SOX5: variants seen among roughly 807,000 people sequenced by gnomAD.
The protein encoded by SOX5 is SRY-box transcription factor 5, also known as transcription factor SOX-5.
SOX5 carries 9 observed loss-of-function variants against 92.0 expected under a neutral mutation model. The observed-to-expected ratio is 0.10, with a 90% CI of 0.06 to 0.17. The LOEUF (loss-of-function observed/expected upper bound fraction) is 0.17, where lower values mean the gene tolerates loss of function less well. SOX5 is among the 10% of genes least tolerant of loss of function. SOX5 has a pLI of 1.00. For missense variants in SOX5, 642 were observed against 944.5 expected (o/e 0.68, Z 4.20); for synonymous variants, 344 against 336.3 (o/e 1.02, Z -0.25).
intron 2 of SOX5, among the ~76,000 whole-genome samples, chr12:24,290,333 G>A (rs1946481953): frequency 6.6e-6 from 1 of 152,148 alleles, no homozygotes; most frequent in Non-Finnish European, 1.5e-5. Flanking sequence ...ACAATGTTAG[G>A]TTGATTCCAC....
At chr12:23,970,892 C>T (rs1360945262) in intron 4 of SOX5, among the ~76,000 whole-genome samples, 2 of 100,614 alleles carry the variant, frequency 2.0e-5, no homozygotes, top group Non-Finnish European at 4.1e-5. Context: ...TGGGCTCAAA[C>T]AATCCTTCCA....
At chr12:23,743,823 T>C (rs2093888354) in intron 4 of SOX5, among the ~76,000 whole-genome samples, 1 of 152,152 alleles carries the variant, frequency 6.6e-6, no homozygotes, top group African/African-American at 2.4e-5. Context: ...GGAAAAAAAG[T>C]CTGCATATAA....
intron 3 of SOX5, among the ~76,000 whole-genome samples, chr12:24,226,441 C>T (rs1308213945): frequency 6.6e-6 from 1 of 152,068 alleles, no homozygotes. Flanking sequence ...TTCCATATTA[C>T]TGCATAGAGA....
chr12:23,948,803 A>G (rs2139775519), intron 1 of SOX5, among the ~76,000 whole-genome samples: 1 of 152,308 alleles, frequency 6.6e-6, no homozygotes, highest in African/African-American at 2.4e-5. Flanking sequence ...ATCAAATAAA[A>G]GGATGCTGCA....
chr12:24,075,743 T>A (rs1159736064), intron 4 of SOX5, among the ~76,000 whole-genome samples: 1 of 152,186 alleles, frequency 6.6e-6, no homozygotes, highest in Non-Finnish European at 1.5e-5. Flanking sequence ...CTGAATCTCA[T>A]GGCTTGTTTT....
intron 1 of SOX5, among the ~76,000 whole-genome samples, chr12:23,933,698 C>T (rs546715970): frequency 6.6e-5 from 10 of 151,572 alleles, no homozygotes; most frequent in East Asian, 3.9e-4. Flanking sequence ...TTTACAATAT[C>T]GAATTCTAGG....
chr12:23,915,798 T>C (rs914528505), intron 1 of SOX5, among the ~76,000 whole-genome samples: 1 of 152,210 alleles, frequency 6.6e-6, no homozygotes, highest in Non-Finnish European at 1.5e-5. Flanking sequence ...TCAGTCATTG[T>C]GAAAGTTTCA....
intron 3 of SOX5, among the ~76,000 whole-genome samples, chr12:23,792,858 A>G (rs1294076028): frequency 6.6e-6 from 1 of 152,028 alleles, no homozygotes; most frequent in African/African-American, 2.4e-5. Context: ...TCCTGGATGA[A>G]CAGAAAGAAA....
At chr12:23,550,488 G>A (rs1426155992) in intron 11 of SOX5, among the ~76,000 whole-genome samples, 1 of 151,726 alleles carries the variant, frequency 6.6e-6, no homozygotes, top group Non-Finnish European at 1.5e-5. Flanking sequence ...AAATTGAAAA[G>A]ACAGGGAATC....
Position 23,530,024 on chromosome 12 carries a change from C to T in SOX5, c.*4195G>A, listed in dbSNP as rs1420352368. On this transcript the variant is annotated 3_prime_UTR_variant, in exon 15 of 15. Coordinates refer to ENST00000451604, the MANE Select transcript of SOX5 (RefSeq NM_006940.6). Reference sequence around the variant, plus strand: ...ATCAGTAGGAAACTCAACACATCGTCTTCAACCTGGGAAGTTGATAGTTAT... The same window carrying T: ...ATCAGTAGGAAACTCAACACATCGTTTTCAACCTGGGAAGTTGATAGTTAT... The T allele has an allele frequency of 1.3e-5, 2 of 152,318 alleles. No individual in the cohort carries two copies. Among genetic ancestry groups the T allele is most frequent in the East Asian group, 3.9e-4 (2 of 5,176 alleles). The allele number at this position is 152,318 out of a possible 1,614,324, so 9.4% of individuals were successfully genotyped here.
At chr12:24,222,060 T>A (rs1418520795) in intron 3 of SOX5, among the ~76,000 whole-genome samples, 1 of 152,184 alleles carries the variant, frequency 6.6e-6, no homozygotes, top group Non-Finnish European at 1.5e-5. Flanking sequence ...ATGTGGAGGT[T>A]TGAGCATAAG....
rs377574533 is a variant in SOX5 at position 23,895,859 on chromosome 12, C to A, written c.204G>T (p.Gln68His). 12 of 1,614,038 alleles carry A rather than the reference C, an allele frequency of 7.4e-6. No homozygotes were observed. Among genetic ancestry groups the A allele is most frequent in the Non-Finnish European group, 9.3e-6 (11 of 1,180,022 alleles). The change falls in exon 2 of 15, where the codon CAG becomes CAT. Residue 68 changes from glutamine to histidine, a missense_variant. Physicochemically the swap from Gln to His is conservative, Grantham distance 24 (BLOSUM62 0). This residue lies in a region of SOX5 where 113 missense variants were observed against 117.7 expected (regional missense o/e 0.96). Coordinates refer to ENST00000451604, the MANE Select transcript of SOX5 (RefSeq NM_006940.6). ...TCTCTTGCGTCAGCAGAGAAACTGG[C>A]TGAAATTCCTCAGAGTGAGGCTTGT... ...FPNKPHSEEFQPVSLLTQETC... is the reference protein window; with the variant it reads ...FPNKPHSEEFHPVSLLTQETC...
chr12:23,593,697 A>T (rs978073025), intron 9 of SOX5, among the ~76,000 whole-genome samples: 1 of 152,094 alleles, frequency 6.6e-6, no homozygotes, highest in African/African-American at 2.4e-5. Flanking sequence ...AATTTTTTTT[A>T]CCAAGAAAAT....
intron 3 of SOX5, among the ~76,000 whole-genome samples, chr12:24,248,645 A>T (rs907437776): frequency 2.0e-5 from 3 of 152,174 alleles, no homozygotes; most frequent in East Asian, 3.9e-4. Context: ...TTGGCCTCCC[A>T]AAGTGCTGAG....
At chr12:24,524,738 C>G (rs565519342) in intron 1 of SOX5, among the ~76,000 whole-genome samples, 1 of 152,220 alleles carries the variant, frequency 6.6e-6, no homozygotes, top group South Asian at 2.1e-4. Context: ...ATGGTACACT[C>G]TCTATAAAAA....
intron 4 of SOX5, among the ~76,000 whole-genome samples, chr12:24,199,243 A>G (rs1033377216): frequency 2.6e-5 from 4 of 152,306 alleles, no homozygotes; most frequent in African/African-American, 9.6e-5. Context: ...TCTGTTCCAG[A>G]ATAAGATAGG....
intron 4 of SOX5, among the ~76,000 whole-genome samples, chr12:24,118,636 C>A (rs1697100465): frequency 2.0e-5 from 3 of 151,948 alleles, no homozygotes; most frequent in Non-Finnish European, 4.4e-5. Context: ...CAATTGTAGG[C>A]AGGAAAATTC....
intron 4 of SOX5, among the ~76,000 whole-genome samples, chr12:24,060,692 G>T (rs768251341): frequency 6.6e-6 from 1 of 152,136 alleles, no homozygotes; most frequent in Non-Finnish European, 1.5e-5. Flanking sequence ...ATGGGTTCAG[G>T]TATGGACCCA....
At chr12:24,237,544 T>A (rs1029087882) in intron 3 of SOX5, among the ~76,000 whole-genome samples, 2 of 151,914 alleles carry the variant, frequency 1.3e-5, no homozygotes, top group African/African-American at 4.8e-5. Context: ...TCCTTCAATC[T>A]AACCTAAAAT....
Sources: gnomAD v4.1 joint callset for allele counts (sites outside exome capture counted in the v4.1 genomes callset) on GRCh38, gnomAD v4.1.1 for gene constraint, gnomAD v4.1.1 regional missense constraint, MANE v1.5 for transcripts, NCBI Gene and HGNC (gene_info 2026-07-23, HGNC 2026-07-21) for gene names.